CTNNA2: variants seen among roughly 807,000 people sequenced by gnomAD.
CTNNA2 encodes catenin alpha 2, also known as catenin alpha-2.
In CTNNA2, 42 loss-of-function variants were observed where a neutral mutation model predicts 101.0. The ratio of observed to expected loss-of-function variants is 0.42; its 90% confidence interval spans 0.32 to 0.54. CTNNA2 has a LOEUF of 0.54. Ranked by LOEUF, CTNNA2 falls within the 20% of genes least tolerant of loss-of-function variation. CTNNA2 has a pLI of 0.14. For synonymous variants in CTNNA2, 450 were observed against 456.4 expected (o/e 0.99, Z 0.18); for missense variants, 871 against 1,223.1 (o/e 0.71, Z 4.29).
At chr2:80,319,342 A>G (rs1678455661) in intron 7 of CTNNA2, among the ~76,000 whole-genome samples, 3 of 152,334 alleles carry the variant, frequency 2.0e-5, no homozygotes, top group African/African-American at 7.2e-5. Flanking sequence ...ATTTCAAACA[A>G]TTAAATAGTT....
chr2:80,621,069 G>A (rs974982379), intron 18 of CTNNA2, among the ~76,000 whole-genome samples: 1 of 151,878 alleles, frequency 6.6e-6, no homozygotes, highest in Non-Finnish European at 1.5e-5. Context: ...AGTGGAGGTT[G>A]CATTAATTTG....
intron 7 of CTNNA2, among the ~76,000 whole-genome samples, chr2:80,316,781 A>G (rs1010909837): frequency 2.0e-5 from 3 of 152,202 alleles, no homozygotes; most frequent in Non-Finnish European, 4.4e-5. Flanking sequence ...CAGCCAATCA[A>G]TAGTTAACAA....
intron 6 of CTNNA2, among the ~76,000 whole-genome samples, chr2:79,884,539 C>T (rs893186689): frequency 4.6e-5 from 7 of 152,036 alleles, no homozygotes; most frequent in African/African-American, 1.4e-4. Flanking sequence ...GACCATGCCT[C>T]CTCTTTCTTT....
intron 9 of CTNNA2, among the ~76,000 whole-genome samples, chr2:80,459,266 C>G (rs1684231188): frequency 6.6e-6 from 1 of 152,066 alleles, no homozygotes; most frequent in Non-Finnish European, 1.5e-5. Flanking sequence ...AGGAGTTTGG[C>G]ATTCACATTA....
Position 79,989,386 on chromosome 2 carries a change from G to A in CTNNA2, c.1056+79589G>A, listed in dbSNP as rs150619005. ...GCCTGTAATCCCAGCACTTTGGCAG[G>A]CTGTAGTGGGTGGATCACTTGAGCC... On this transcript the variant is annotated intron_variant, in intron 7 of 18. Coordinates refer to ENST00000402739, the MANE Select transcript of CTNNA2 (RefSeq NM_001282597.3). 1.2e-4 allele frequency among the ~76,000 whole-genome samples: 19 copies of A among 152,294 alleles called. No homozygotes were observed. In the East Asian group the frequency reaches 3.7e-3, roughly 29 times the overall value.
intron 7 of CTNNA2, among the ~76,000 whole-genome samples, chr2:80,280,559 A>AT (rs953867782): frequency 2.6e-5 from 4 of 151,674 alleles, no homozygotes; most frequent in African/African-American, 9.7e-5. Flanking sequence ...CACACCTTTT[A>AT]TTTTTTACAG....
At chr2:79,857,988 C>T in intron 3 of CTNNA2, 25 bp from the exon 4 acceptor site, 1 of 1,600,298 alleles carries the variant, frequency 6.2e-7, no homozygotes, top group Non-Finnish European at 8.6e-7. Flanking sequence ...GTCTACCCAC[C>T]TGCCTCTCCG....
chr2:79,368,456 C>T (rs527992994), intron 3 of CTNNA2, among the ~76,000 whole-genome samples: 8 of 152,312 alleles, frequency 5.3e-5, no homozygotes, highest in Admixed American at 1.3e-4. Flanking sequence ...GACATCTTCC[C>T]GGCATTTCAC....
chr2:79,930,095 G>A (rs1405795575), intron 7 of CTNNA2, among the ~76,000 whole-genome samples: 7 of 151,862 alleles, frequency 4.6e-5, no homozygotes, highest in Non-Finnish European at 1.0e-4. Context: ...AAATTAGCCG[G>A]GTGTGGTGGT....
chr2:79,640,273 T>G (rs910715592), intron 1 of CTNNA2, among the ~76,000 whole-genome samples: 7 of 152,150 alleles, frequency 4.6e-5, no homozygotes, highest in Non-Finnish European at 8.8e-5. Flanking sequence ...GAGAGGGTCT[T>G]GAAGACAAAA....
At chr2:79,887,632 T>C (rs1683979577) in intron 6 of CTNNA2, among the ~76,000 whole-genome samples, 1 of 152,158 alleles carries the variant, frequency 6.6e-6, no homozygotes, top group South Asian at 2.1e-4. Flanking sequence ...TGTTTGTGCT[T>C]AATTGGGCTC....
At position 79,463,282 on chromosome 2, in the gene CTNNA2, C is replaced by A. The variant is rs62157005; in HGVS notation, c.-134-41772C>A. On this transcript the variant is annotated intron_variant, in intron 4 of 21. Transcript: ENST00000466387. ...AATTAGCCAGGTGTGATGATGTGCA[C>A]CTGTAATCTCAGCTACTCGGGAGGC... 7.7e-3 allele frequency among the ~76,000 whole-genome samples: 1,175 copies of A among 151,742 alleles called. 8 individuals are homozygous for A. The highest frequency in any genetic ancestry group is 0.012 in the Non-Finnish European group (783 of 67,954).
intron 3 of CTNNA2, among the ~76,000 whole-genome samples, chr2:79,366,313 T>A (rs1259641809): frequency 6.6e-6 from 1 of 152,248 alleles, no homozygotes; most frequent in African/African-American, 2.4e-5. Context: ...CAATTAATTA[T>A]GATGTTTTCA....
intron 1 of CTNNA2, among the ~76,000 whole-genome samples, chr2:79,620,246 C>G (rs1573494516): frequency 6.6e-6 from 1 of 152,182 alleles, no homozygotes; most frequent in East Asian, 1.9e-4. Context: ...TCCAACTGCC[C>G]TTCCCTGTAC....
intron 9 of CTNNA2, among the ~76,000 whole-genome samples, chr2:80,456,866 G>A (rs1298398265): frequency 6.6e-6 from 1 of 152,096 alleles, no homozygotes; most frequent in East Asian, 1.9e-4. Flanking sequence ...AGAGAGGTTG[G>A]TTAACAGGTA....
chr2:79,920,185 C>T (rs143350995), intron 7 of CTNNA2, among the ~76,000 whole-genome samples: 133 of 152,220 alleles, frequency 8.7e-4, no homozygotes, highest in East Asian at 2.7e-3. Context: ...TCACTGCACT[C>T]CAACCTAGGC....
chr2:79,724,914 T>C (rs1573796904), intron 2 of CTNNA2, among the ~76,000 whole-genome samples: 1 of 151,654 alleles, frequency 6.6e-6, no homozygotes, highest in African/African-American at 2.4e-5. Context: ...TACTCTGCGG[T>C]ACTCCCTGGT....
intron 2 of CTNNA2, among the ~76,000 whole-genome samples, chr2:79,309,072 T>C (rs373703873): frequency 1.3e-5 from 2 of 152,146 alleles, no homozygotes; most frequent in South Asian, 4.1e-4. Context: ...TCCAGACTGT[T>C]CTCTTGGTCT....
At chr2:80,078,753 A>G (rs1698924074) in intron 7 of CTNNA2, among the ~76,000 whole-genome samples, 1 of 151,676 alleles carries the variant, frequency 6.6e-6, no homozygotes, top group Non-Finnish European at 1.5e-5. Context: ...CTTTGTGTGT[A>G]TTTGTTTGTT....
Sources: gnomAD v4.1 joint callset for allele counts (sites outside exome capture counted in the v4.1 genomes callset) on GRCh38, gnomAD v4.1.1 for gene constraint, MANE v1.5 for transcripts, NCBI Gene and HGNC (gene_info 2026-07-23, HGNC 2026-07-21) for gene names.